Variants in ECHDC1 observed in about 807,000 individuals in gnomAD.
ECHDC1 encodes the protein ethylmalonyl-CoA decarboxylase 1, also known as ethylmalonyl-CoA decarboxylase.
ECHDC1 carries 29 observed loss-of-function variants against 29.7 expected under a neutral mutation model. The observed-to-expected ratio is 0.98, with a 90% CI of 0.73 to 1.33. The LOEUF (loss-of-function observed/expected upper bound fraction) is 1.33. Among genes scored for constraint, ECHDC1 ranks in the 40% most tolerant of loss-of-function variants. ECHDC1 has a pLI of 0.00. For missense variants in ECHDC1, 328 were observed against 350.0 expected (o/e 0.94, Z 0.50); for synonymous variants, 126 against 123.1 (o/e 1.02, Z -0.15).
rs532201752 is a variant in ECHDC1, at chr6:127,326,596, A to G, written c.363+406T>C. The G allele has an allele frequency of 2.7e-5, 11 of 406,670 alleles. No individual in the cohort carries two copies. The East Asian group carries it at 7.4e-4, about 27-fold the overall frequency. 25.2% of individuals were successfully genotyped at this position (406,670 alleles called of 1,614,324 possible). The stretch of plus-strand genomic sequence containing the variant: ...TTTCCTGTAAATTTAAAATTATTCT[A>G]AAATTAAAAATATTTTTTAAAAAAG... On this transcript the variant is annotated intron_variant, in intron 3 of 5. Coordinates refer to ENST00000454859, the MANE Select transcript of ECHDC1 (RefSeq NM_001002030.2).
chr6:127,332,951 C>A (rs1177659201), intron 1 of ECHDC1, among the ~76,000 whole-genome samples: 1 of 152,096 alleles, frequency 6.6e-6, no homozygotes, highest in African/African-American at 2.4e-5. Context: ...TGCCAACATG[C>A]CAAGCTAATT....
At chr6:127,318,684 T>C (rs1381058362) in intron 3 of ECHDC1, among the ~76,000 whole-genome samples, 1 of 152,220 alleles carries the variant, frequency 6.6e-6, no homozygotes, top group Non-Finnish European at 1.5e-5. Flanking sequence ...GTAAGTCCCT[T>C]GATGGTGACA....
intron 5 of ECHDC1, among the ~76,000 whole-genome samples, chr6:127,304,490 A>C (rs527306870): frequency 1.3e-5 from 2 of 152,330 alleles, no homozygotes; most frequent in South Asian, 4.1e-4. Context: ...ATGCCCAGAT[A>C]CCAAAGAACA....
At chr6:127,336,424 T>C (rs9388563) in intron 1 of ECHDC1, among the ~76,000 whole-genome samples, 2 of 152,200 alleles carry the variant, frequency 1.3e-5, no homozygotes, top group African/African-American at 2.4e-5. Context: ...CTTTCCCTTA[T>C]ATAGCTCCAT....
rs115608815 is a variant in ECHDC1 at position 127,325,196 on chromosome 6, C to T, written c.363+1806G>A. ...ACCCCAGCCTAATATGAGAAAAACACCAGACAAATTCCATTTGAAGGATAT... is the reference window on the plus strand; with the variant it reads ...ACCCCAGCCTAATATGAGAAAAACATCAGACAAATTCCATTTGAAGGATAT... On this transcript the variant is annotated intron_variant, in intron 3 of 5. Transcript: ENST00000454859. Among the ~76,000 whole-genome samples the T allele has an allele frequency of 3.1e-3, 466 of 152,226 alleles. 4 individuals are homozygous for T. The highest frequency in any genetic ancestry group is 0.011 in the African/African-American group (438 of 41,530).
intron 1 of ECHDC1, among the ~76,000 whole-genome samples, chr6:127,336,195 G>A (rs760713740): frequency 1.3e-5 from 2 of 152,058 alleles, no homozygotes; most frequent in Non-Finnish European, 2.9e-5. Flanking sequence ...CTAATTTAGT[G>A]CAATAATAGG....
chr6:127,309,128 A>G (rs1781674791), intron 5 of ECHDC1, among the ~76,000 whole-genome samples: 1 of 152,162 alleles, frequency 6.6e-6, no homozygotes, highest in Non-Finnish European at 1.5e-5. Flanking sequence ...TGGAACCACA[A>G]AAAACACAGA....
chr6:127,291,424 T>C (rs373306992), intron 5 of ECHDC1, among the ~76,000 whole-genome samples: 12 of 152,108 alleles, frequency 7.9e-5, no homozygotes, highest in African/African-American at 2.9e-4. Context: ...AAGTTATTGA[T>C]AGTGGCTTGG....
chr6:127,301,365 G>T (rs1176514497), intron 5 of ECHDC1, among the ~76,000 whole-genome samples: 2 of 152,168 alleles, frequency 1.3e-5, no homozygotes, highest in Admixed American at 1.3e-4. Context: ...CCATTGGCAT[G>T]GATGAAAATG....
intron 1 of ECHDC1, among the ~76,000 whole-genome samples, chr6:127,339,816 A>G (rs559287074): frequency 6.6e-6 from 1 of 151,904 alleles, no homozygotes; most frequent in African/African-American, 2.4e-5. Flanking sequence ...AAAAAGAACT[A>G]TTTCACTGTT....
chr6:127,320,027 G>C (rs149951269), intron 3 of ECHDC1, among the ~76,000 whole-genome samples: 26 of 149,888 alleles, frequency 1.7e-4, no homozygotes, highest in African/African-American at 6.4e-4. Flanking sequence ...AATTAAAATA[G>C]TTTTTTTTTT....
intron 5 of ECHDC1, among the ~76,000 whole-genome samples, chr6:127,299,553 T>C (rs986049575): frequency 6.6e-6 from 1 of 151,944 alleles, no homozygotes; most frequent in African/African-American, 2.4e-5. Flanking sequence ...CTGTAAAATG[T>C]GTTTGTGTTT....
intron 5 of ECHDC1, among the ~76,000 whole-genome samples, chr6:127,307,700 A>T (rs1163684549): frequency 6.6e-6 from 1 of 150,620 alleles, no homozygotes; most frequent in Non-Finnish European, 1.5e-5. Context: ...AATGAAACAA[A>T]AAGTTGTTTT....
At chr6:127,342,726 A>G (rs1482418671) in intron 1 of ECHDC1, 1 of 228,760 alleles carries the variant, frequency 4.4e-6, no homozygotes, top group Non-Finnish European at 8.5e-6. Context: ...AGTCCTTAAC[A>G]GCACCTTCAA....
At chr6:127,301,853 A>C (rs1781078203) in intron 5 of ECHDC1, among the ~76,000 whole-genome samples, 2 of 152,240 alleles carry the variant, frequency 1.3e-5, no homozygotes, top group Admixed American at 1.3e-4. Flanking sequence ...AAAACATATT[A>C]CTAGAAAAAT....
chr6:127,330,534 C>T (rs1490310386), intron 2 of ECHDC1, among the ~76,000 whole-genome samples: 2 of 152,182 alleles, frequency 1.3e-5, no homozygotes, highest in East Asian at 1.9e-4. Context: ...TAATGAATTT[C>T]GGTGGAAAAT....
chr6:127,329,862 A>G, intron 2 of ECHDC1: 1 of 455,728 alleles, frequency 2.2e-6, no homozygotes. Context: ...CAGCACTGGT[A>G]TAGAGAAATC....
intron 3 of ECHDC1, among the ~76,000 whole-genome samples, chr6:127,319,928 C>T (rs564218561): frequency 5.9e-5 from 9 of 152,266 alleles, no homozygotes; most frequent in Admixed American, 3.9e-4. Context: ...GTAGAAGTAT[C>T]TTATTTAGAA....
chr6:127,324,835 C>T (rs75401414), intron 3 of ECHDC1, among the ~76,000 whole-genome samples: 1 of 152,166 alleles, frequency 6.6e-6, no homozygotes, highest in East Asian at 1.9e-4. Flanking sequence ...TCCATGAGTG[C>T]ATATTGATAT....
Sources: allele counts gnomAD v4.1 joint callset (sites outside exome capture counted in the v4.1 genomes callset), GRCh38; gene constraint gnomAD v4.1.1; transcripts MANE v1.5; gene names NCBI Gene and HGNC (gene_info 2026-07-23, HGNC 2026-07-21).